The following SLC30A3 variants were observed in gnomAD, a reference collection of about 807,000 sequenced individuals.
SLC30A3 encodes solute carrier family 30 member 3.
Under a neutral mutation model 35.6 loss-of-function variants are expected in SLC30A3, and 20 were observed. That is an observed-to-expected ratio of 0.56 (90% CI 0.39 to 0.82). The LOEUF (loss-of-function observed/expected upper bound fraction) is 0.82. Among genes scored for constraint, SLC30A3 ranks in the 40% least tolerant of loss-of-function variants. The pLI, the probability that SLC30A3 is intolerant of heterozygous loss-of-function variation, is 0.00. For missense variants in SLC30A3, 401 were observed against 530.6 expected (o/e 0.76, Z 2.40); for synonymous variants, 217 against 224.7 (o/e 0.97, Z 0.31).
At chr2:27,274,056 C>T (rs752895492) in intron 1 of SLC30A3, among the ~76,000 whole-genome samples, 1 of 152,256 alleles carries the variant, frequency 6.6e-6, no homozygotes, top group Non-Finnish European at 1.5e-5. Context: ...GGCGCAATGG[C>T]TCACGCCTGT....
At chr2:27,259,075 G>A in intron 1 of SLC30A3, 141 bp from the exon 2 acceptor site, 1 of 635,328 alleles carries the variant, frequency 1.6e-6, no homozygotes, top group East Asian at 2.9e-5. Context: ...ATCGGCAGAG[G>A]GCCACATGAG....
chr2:27,256,627 G>T, intron 6 of SLC30A3, 107 bp from the exon 7 acceptor site: 2 of 1,487,776 alleles, frequency 1.3e-6, no homozygotes, highest in South Asian at 1.2e-5. Flanking sequence ...CTCTCCTTTT[G>T]ACCCCTACAA....
intron 1 of SLC30A3, 186 bp from the exon 2 acceptor site, chr2:27,259,120 C>T: frequency 3.8e-6 from 2 of 528,174 alleles, no homozygotes; most frequent in Admixed American, 3.6e-5. Flanking sequence ...AGAGCCCAGC[C>T]TCCCTTTTCC....
In SLC30A3 at chr2:27,255,512, C is replaced by G; in HGVS notation, c.1019-52G>C. The G allele has an allele frequency of 6.3e-7, 1 of 1,592,994 alleles. No homozygotes were observed. Among genetic ancestry groups the G allele is most frequent in the South Asian group, 1.1e-5 (1 of 87,902 alleles). On this transcript the variant is annotated intron_variant, in intron 7 of 7. Coordinates refer to ENST00000233535, the MANE Select transcript of SLC30A3 (RefSeq NM_003459.5). The surrounding 1 kb of genome is among the most constrained non-coding windows in gnomAD (Gnocchi z 5.2). ...TCCATCCCGGGGGAGAAAGAACAGG[C>G]AGGGACTGAGATAAGGACAGGGAAA...
chr2:27,263,592 C>T (rs2148139068), upstream of SLC30A3: 2 of 273,726 alleles, frequency 7.3e-6, no homozygotes, highest in Non-Finnish European at 1.5e-5. Context: ...CACTGTACCG[C>T]GAATGATCAT....
At position 27,262,441 on chromosome 2, in the gene SLC30A3, C is replaced by A. The variant is rs1375010344; in HGVS notation, c.95+371G>T. ...TGAAGCCTGGGCAGCGAGGCGCTCC[C>A]GCCCTGGGCCCGGGGCAATGCGGAC... On this transcript the variant is annotated intron_variant, in intron 1 of 7. Coordinates refer to ENST00000233535, the MANE Select transcript of SLC30A3 (RefSeq NM_003459.5). This position sits in a 1 kb window ranked among gnomAD's most constrained non-coding sequence, Gnocchi z 7.5. Among the ~76,000 whole-genome samples the A allele has an allele frequency of 6.6e-6, 1 of 151,984 alleles. No individual in the cohort carries two copies. Among genetic ancestry groups the A allele is most frequent in the Non-Finnish European group, 1.5e-5 (1 of 67,974 alleles).
At chr2:27,269,254 G>T (rs1481200747) in intron 1 of SLC30A3, among the ~76,000 whole-genome samples, 2 of 138,316 alleles carry the variant, frequency 1.4e-5, no homozygotes, top group Non-Finnish European at 3.0e-5. Flanking sequence ...TTGCGAGGCT[G>T]GAGTGCAGTG....
At chr2:27,272,678 G>A (rs572376987) in intron 1 of SLC30A3, among the ~76,000 whole-genome samples, 30 of 150,928 alleles carry the variant, frequency 2.0e-4, no homozygotes, top group South Asian at 4.3e-4. Flanking sequence ...GACCCGCCTC[G>A]GCCTCCCAAA....
upstream of SLC30A3, among the ~76,000 whole-genome samples, chr2:27,266,028 C>T (rs1046156868): frequency 1.3e-5 from 2 of 151,694 alleles, no homozygotes; most frequent in Admixed American, 1.3e-4. Flanking sequence ...ATGTCATACA[C>T]TCTCATCGCA....
Position 27,255,158 on chromosome 2 carries a change from C to G in SLC30A3, c.*154G>C. Reference sequence around the variant, plus strand: ...TTGGTCTTGCCCACTGGGGCTGGGGCTGGGGCTGAGGCTGGGGAAACTGGC... The same window carrying G: ...TTGGTCTTGCCCACTGGGGCTGGGGGTGGGGCTGAGGCTGGGGAAACTGGC... On this transcript the variant is annotated 3_prime_UTR_variant, in exon 8 of 8. Coordinates refer to ENST00000233535, the MANE Select transcript of SLC30A3 (RefSeq NM_003459.5). This position sits in a 1 kb window ranked among gnomAD's most constrained non-coding sequence, Gnocchi z 5.2. The G allele has an allele frequency of 6.3e-7, 1 of 1,579,132 alleles. No individual in the cohort carries two copies. Among genetic ancestry groups the G allele is most frequent in the Non-Finnish European group, 8.5e-7 (1 of 1,169,760 alleles).
Position 27,254,230 on chromosome 2 carries a change from C to A in SLC30A3, c.*1082G>T, listed in dbSNP as rs1558553181. The A allele has an allele frequency of 6.6e-6, 1 of 152,306 alleles. No homozygotes were observed. Among genetic ancestry groups the A allele is most frequent in the Non-Finnish European group, 1.5e-5 (1 of 68,092 alleles). The allele number at this position is 152,306 out of a possible 1,614,324, so 9.4% of individuals were successfully genotyped here. On this transcript the variant is annotated 3_prime_UTR_variant, in exon 8 of 8. Transcript: ENST00000233535. ...ATTCTCCCTCAAAGGGACCCAGCCT[C>A]CCTCCAGCCAGCCTGAGGCCCACTG...
At chr2:27,260,329 T>G (rs898465979) in intron 1 of SLC30A3, among the ~76,000 whole-genome samples, 1 of 152,034 alleles carries the variant, frequency 6.6e-6, no homozygotes, top group Admixed American at 6.6e-5. Context: ...GGGAGGAGCA[T>G]GTTAATTGGA....
In SLC30A3 at chr2:27,256,794, T is replaced by A; in HGVS notation, c.877A>T (p.Met293Leu). The A allele has an allele frequency of 6.3e-7, 1 of 1,599,802 alleles. No individual in the cohort carries two copies. The highest frequency in any genetic ancestry group is 8.5e-7 in the Non-Finnish European group (1 of 1,174,134). ...GCTGTGGTGCCCGACTCACCTTCCA[T>A]GAGGATTCGAAGAACGTCTCGGAGG... ...PTLRDVLRIL[M>L]EGTPRNVGFE... is the part of the protein sequence containing the mutation. Residue 293 changes from methionine (M) to leucine (L), a missense_variant, in exon 6 of 8, where the codon ATG (methionine) becomes TTG (leucine). Met to Leu is a conservative substitution (Grantham distance 15). Coordinates refer to ENST00000233535, the MANE Select transcript of SLC30A3 (RefSeq NM_003459.5).
At chr2:27,270,337 C>A (rs568429837) in intron 1 of SLC30A3, among the ~76,000 whole-genome samples, 3 of 151,734 alleles carry the variant, frequency 2.0e-5, no homozygotes, top group Non-Finnish European at 4.4e-5. Flanking sequence ...GGACTGGGGG[C>A]GGTGTTTTGG....
upstream of SLC30A3, chr2:27,264,170 G>T: frequency 2.7e-6 from 2 of 729,004 alleles, no homozygotes; most frequent in Non-Finnish European, 4.2e-6. This position sits in a 1 kb window ranked among gnomAD's most constrained non-coding sequence, Gnocchi z 6.1. Flanking sequence ...GGAGGGGAGC[G>T]AGTGAGCAGG....
At chr2:27,265,796 G>T (rs1677471439), upstream of SLC30A3, among the ~76,000 whole-genome samples, 1 of 152,136 alleles carries the variant, frequency 6.6e-6, no homozygotes, top group African/African-American at 2.4e-5. This position sits in a 1 kb window ranked among gnomAD's most constrained non-coding sequence, Gnocchi z 5.9. Context: ...CAAGCTCCCT[G>T]AAGGCAGGAA....
At chr2:27,275,196 G>C (rs754366833) in exon 1 of SLC30A3, 1 of 1,304,168 alleles carries the variant, frequency 7.7e-7, no homozygotes, top group South Asian at 1.2e-5. Flanking sequence ...GCCACGGTCA[G>C]CAAACCCATT....
upstream of SLC30A3, among the ~76,000 whole-genome samples, chr2:27,267,478 TC>T: frequency 6.6e-6 from 1 of 152,090 alleles, no homozygotes; most frequent in East Asian, 1.9e-4. Flanking sequence ...TTCTTGTGAG[TC>T]CTACAACACA....
intron 1 of SLC30A3, chr2:27,275,164 G>T: frequency 7.7e-7 from 1 of 1,302,554 alleles, no homozygotes; most frequent in Non-Finnish European, 1.0e-6. Flanking sequence ...AGAAGGGCAT[G>T]CAGCAGCCAT....
Sources: allele counts gnomAD v4.1 joint callset (sites outside exome capture counted in the v4.1 genomes callset), GRCh38; gene constraint gnomAD v4.1.1; non-coding constraint Gnocchi (gnomAD v3.1); transcripts MANE v1.5; gene names NCBI Gene and HGNC (gene_info 2026-07-23, HGNC 2026-07-21).